GPAM: variants seen among roughly 807,000 people sequenced by gnomAD.
The protein encoded by GPAM is glycerol-3-phosphate acyltransferase, mitochondrial.
A neutral mutation model predicts 105.0 loss-of-function variants in GPAM; 56 were observed. That is an observed-to-expected ratio of 0.53 (90% CI 0.43 to 0.67). GPAM has a LOEUF of 0.67. GPAM is among the 30% of genes least tolerant of loss of function. The probability of loss-of-function intolerance (pLI) is 0.00; values close to 1 mark genes in which losing one functional copy is unlikely to be tolerated. For synonymous variants in GPAM, 368 were observed against 354.4 expected, an observed-to-expected ratio of 1.04 and a Z score of -0.43; for missense variants, 855 against 989.8, an observed-to-expected ratio of 0.86 and a Z score of 1.83.
chr10:112,151,183 ATAGAG>A lies in GPAM; in HGVS notation c.*2362_*2366del, dbSNP rs1236301360. On this transcript the variant is annotated 3_prime_UTR_variant, in exon 22 of 22. Coordinates refer to ENST00000348367, the MANE Select transcript of GPAM (RefSeq NM_001244949.2). ...ATGCATTTCATGTTACAGAAATGCGATAGAGTAAACTGTAATAAATTATTTACAAG... is the reference window on the plus strand; with the variant it reads ...ATGCATTTCATGTTACAGAAATGCGATAAACTGTAATAAATTATTTACAAG... 1.1e-5 allele frequency: 11 copies of A among 982,902 alleles called. No homozygotes were observed. Among genetic ancestry groups the A allele is most frequent in the African/African-American group, 5.3e-5 (3 of 57,098 alleles). 60.9% of individuals were successfully genotyped at this position (982,902 alleles called of 1,614,324 possible). A position where few individuals can be genotyped will look rare whatever the true frequency, so the allele number is the denominator to read the frequency against.
chr10:112,213,141 G>C (rs1237491281), intron 1 of GPAM, among the ~76,000 whole-genome samples: 1 of 152,140 alleles, frequency 6.6e-6, no homozygotes, highest in Admixed American at 6.5e-5. Flanking sequence ...GGGTCCAACC[G>C]AGCATGTGAA....
At chr10:112,183,185 C>G (rs1032713397) in intron 1 of GPAM, among the ~76,000 whole-genome samples, 3 of 152,190 alleles carry the variant, frequency 2.0e-5, no homozygotes, top group Non-Finnish European at 4.4e-5. Context: ...CCTTAGTTTT[C>G]CCATCTGGAA....
chr10:112,173,988 G>C (rs531401714), intron 6 of GPAM, 143 bp from the exon 7 acceptor site: 1 of 701,984 alleles, frequency 1.4e-6, no homozygotes, highest in African/African-American at 1.8e-5. Context: ...ATAAGCTCAA[G>C]CTAGAAGTGC....
At chr10:112,224,731 C>T in the GPAM span, among the ~76,000 whole-genome samples, 1 of 152,102 alleles carries the variant, frequency 6.6e-6, no homozygotes, top group South Asian at 2.1e-4. Flanking sequence ...GGACTAAAAA[C>T]ATCCTTTTCT....
In GPAM at chr10:112,165,196, T is replaced by A. The variant is rs187297652; in HGVS notation, c.1222-586A>T. 1.8e-3 allele frequency among the ~76,000 whole-genome samples: 268 copies of A among 152,300 alleles called. 1 individual carries two copies. The highest frequency in any genetic ancestry group is 6.0e-3 in the African/African-American group (251 of 41,552). ...AGGAGAGGCGGGACCTTCTGCTCCT[T>A]ATCCCTGGGCTCCCTACTTCTGTAC... On this transcript the variant is annotated intron_variant, in intron 12 of 21. Coordinates refer to ENST00000348367, the MANE Select transcript of GPAM (RefSeq NM_001244949.2).
At chr10:112,161,490 A>T (rs1847122074) in intron 15 of GPAM, among the ~76,000 whole-genome samples, 177 bp downstream of exon 15, 1 of 152,220 alleles carries the variant, frequency 6.6e-6, no homozygotes, top group Non-Finnish European at 1.5e-5. Context: ...TTTTAAATGT[A>T]GATTCTTCCT....
At chr10:112,160,467 T>G in intron 16 of GPAM, 137 bp downstream of exon 16, 3 of 1,224,508 alleles carry the variant, frequency 2.4e-6, no homozygotes, top group Non-Finnish European at 2.3e-6. Flanking sequence ...GATTACATTT[T>G]CGTTTGAAAA....
At position 112,172,975 on chromosome 10, in the gene GPAM, T is replaced by C. The variant is rs752832299; in HGVS notation, c.652A>G (p.Thr218Ala). The C allele has an allele frequency of 6.4e-7, 1 of 1,557,294 alleles. No homozygotes were observed. The highest frequency in any genetic ancestry group is 1.1e-5 in the South Asian group (1 of 89,886). The change falls in exon 8 of 22, where the codon ACT becomes GCT. Residue 218 changes from threonine (T) to alanine (A), a missense_variant. Physicochemically the swap from Thr to Ala is moderately conservative, Grantham distance 58 (BLOSUM62 0). Transcript: ENST00000348367. ...AGATTCACAGAAATTCTTGCCTCAG[T>C]TGCAGCTTTAACCATCTCAAGTTGA... ...KGQLEMVKAA[T>A]ETNLPLLFLP...
At chr10:112,178,528 C>G (rs4917627) in intron 4 of GPAM, among the ~76,000 whole-genome samples, 1 of 151,714 alleles carries the variant, frequency 6.6e-6, no homozygotes, top group Non-Finnish European at 1.5e-5. Context: ...CCAGCCTGGG[C>G]GACAAAGCAA....
In GPAM at chr10:112,153,026, G is replaced by A. The variant is rs1846947946; in HGVS notation, c.*524C>T. 1 of 580,068 alleles carries A rather than the reference G, an allele frequency of 1.7e-6. No individual in the cohort carries two copies. Among genetic ancestry groups the A allele is most frequent in the Non-Finnish European group, 2.2e-6 (1 of 454,524 alleles). The allele number at this position is 580,068 out of a possible 1,614,324, so 35.9% of individuals were successfully genotyped here. ...TCCACTCAATTTATAAAGCACTTTG[G>A]GATAAAAGGTGCTCCCATTAAAAAT... On this transcript the variant is annotated 3_prime_UTR_variant, in exon 22 of 22. Coordinates refer to ENST00000348367, the MANE Select transcript of GPAM (RefSeq NM_001244949.2).
chr10:112,157,549 C>T (rs1288738861), intron 18 of GPAM, among the ~76,000 whole-genome samples, 160 bp from the exon 19 acceptor site: 2 of 152,152 alleles, frequency 1.3e-5, no homozygotes, highest in African/African-American at 4.8e-5. Context: ...AACTCAAACT[C>T]AGTCAGGAGA....
chr10:112,171,716 A>G (rs1847316456), intron 9 of GPAM, among the ~76,000 whole-genome samples: 1 of 152,162 alleles, frequency 6.6e-6, no homozygotes, highest in Admixed American at 6.5e-5. Context: ...AAAGGTGAAA[A>G]CCTCTAAAAC....
intron 21 of GPAM, chr10:112,154,400 G>A: frequency 1.7e-6 from 1 of 583,210 alleles, no homozygotes; most frequent in Non-Finnish European, 3.1e-6. Flanking sequence ...GAATAAATGT[G>A]AAACCAGTAA....
rs1847090878 is a variant in GPAM at position 112,159,913 on chromosome 10, G to GT, written c.1899dup (p.Leu634ThrfsTer12). 6.2e-7 allele frequency: 1 copy of GT among 1,613,450 alleles called. No individual in the cohort carries two copies. The highest frequency in any genetic ancestry group is 1.7e-5 in the Admixed American group (1 of 60,002). On this transcript the variant is annotated frameshift_variant, in exon 17 of 22. Coordinates refer to ENST00000348367, the MANE Select transcript of GPAM (RefSeq NM_001244949.2). LOFTEE classifies it high-confidence loss of function. ...AACACTGAAGGGTCTTCACTCACCAGTGAGATGGTGCCTTCATTGGAGAGA... is the reference window on the plus strand; with the variant it reads ...AACACTGAAGGGTCTTCACTCACCAGTTGAGATGGTGCCTTCATTGGAGAGA...
intron 1 of GPAM, among the ~76,000 whole-genome samples, chr10:112,213,140 C>A (rs188531428): frequency 2.4e-4 from 36 of 152,244 alleles, no homozygotes; most frequent in African/African-American, 8.7e-4. Flanking sequence ...TGGGTCCAAC[C>A]GAGCATGTGA....
At chr10:112,190,328 AC>A (rs113260846) in intron 1 of GPAM, among the ~76,000 whole-genome samples, 4 of 152,064 alleles carry the variant, frequency 2.6e-5, no homozygotes, top group African/African-American at 9.6e-5. Context: ...ACATGGTGGA[AC>A]CCCGTCTCTA....
chr10:112,213,918 G>C (rs1360423268), intron 1 of GPAM, among the ~76,000 whole-genome samples: 1 of 152,172 alleles, frequency 6.6e-6, no homozygotes, highest in Non-Finnish European at 1.5e-5. Context: ...ACATCCAAGA[G>C]GTATAACCCC....
At chr10:112,223,416 G>A in the GPAM span, among the ~76,000 whole-genome samples, 3 of 152,186 alleles carry the variant, frequency 2.0e-5, no homozygotes, top group African/African-American at 4.8e-5. Context: ...AATATGTGGT[G>A]TGTAACTCTT....
chr10:112,191,540 A>G (rs1308118087), intron 1 of GPAM, among the ~76,000 whole-genome samples: 1 of 152,148 alleles, frequency 6.6e-6, no homozygotes, highest in Admixed American at 6.6e-5. Flanking sequence ...GTTCTTAGGG[A>G]ATAAAAGGTA....
Sources: allele counts gnomAD v4.1 joint callset (sites outside exome capture counted in the v4.1 genomes callset), GRCh38; gene constraint gnomAD v4.1.1; transcripts MANE v1.5; gene names NCBI Gene and HGNC (gene_info 2026-07-23, HGNC 2026-07-21).